The following LRRTM3 variants were observed in gnomAD, a reference collection of about 807,000 sequenced individuals.
The protein encoded by LRRTM3 is leucine rich repeat transmembrane neuronal 3.
A neutral mutation model predicts 44.7 loss-of-function variants in LRRTM3; 24 were observed. The observed-to-expected ratio is 0.54, with a 90% CI of 0.39 to 0.76. The LOEUF is 0.76. Ranked by LOEUF, LRRTM3 falls within the 30% of genes least tolerant of loss-of-function variation. LRRTM3 has a pLI of 0.00. For synonymous variants in LRRTM3, 277 were observed against 278.7 expected, an observed-to-expected ratio of 0.99 and a Z score of 0.06; for missense variants, 587 against 702.2, an observed-to-expected ratio of 0.84 and a Z score of 1.85.
At chr10:67,012,500 C>A (rs1057332090) in intron 2 of LRRTM3, 1 of 151,926 alleles carries the variant, frequency 6.6e-6, no homozygotes, top group Non-Finnish European at 1.5e-5. Flanking sequence ...TGATGAAAAC[C>A]TTTGTTATTC....
chr10:67,019,280 G>A (rs574171136), intron 2 of LRRTM3, among the ~76,000 whole-genome samples: 14 of 152,222 alleles, frequency 9.2e-5, no homozygotes, highest in African/African-American at 2.2e-4. Context: ...GTGTAATGGC[G>A]TTATCTTGGC....
chr10:67,069,586 A>G (rs1434605402), intron 2 of LRRTM3, among the ~76,000 whole-genome samples: 1 of 7,896 alleles, frequency 1.3e-4, no homozygotes, highest in Non-Finnish European at 2.9e-4. Context: ...CACCCCACCC[A>G]GTCCCTGCCC....
rs148255895 is a variant in LRRTM3, at chr10:66,944,799, T to C, written c.1536+16347T>C. 4.8e-4 allele frequency among the ~76,000 whole-genome samples: 73 copies of C among 152,318 alleles called. 1 individual carries two copies. The East Asian group carries it at 0.013, about 27-fold the overall frequency. On this transcript the variant is annotated intron_variant, in intron 2 of 2. Coordinates refer to ENST00000361320, the MANE Select transcript of LRRTM3 (RefSeq NM_178011.5). ...AGAATGGATGCTTTGTTAGCAGGCA[T>C]GAAAACAACATTAATCTCCATGTAT...
chr10:67,013,990 A>G (rs1852496755), intron 2 of LRRTM3, among the ~76,000 whole-genome samples: 1 of 152,104 alleles, frequency 6.6e-6, no homozygotes, highest in Non-Finnish European at 1.5e-5. Flanking sequence ...TTTTATAAAC[A>G]CTCCAGAGAA....
At chr10:66,926,698 A>T in intron 1 of LRRTM3, 111 bp downstream of exon 1, 1 of 1,281,798 alleles carries the variant, frequency 7.8e-7, no homozygotes, top group Non-Finnish European at 1.1e-6. Flanking sequence ...GCTCTGCTCT[A>T]AGACTATGAA....
At chr10:67,090,191 G>A (rs1011862845) in intron 2 of LRRTM3, among the ~76,000 whole-genome samples, 1 of 151,988 alleles carries the variant, frequency 6.6e-6, no homozygotes, top group African/African-American at 2.4e-5. Flanking sequence ...CATCTTGAGT[G>A]TTTTCGAGAT....
At chr10:67,003,580 T>A (rs1209334892) in intron 2 of LRRTM3, among the ~76,000 whole-genome samples, 1 of 152,234 alleles carries the variant, frequency 6.6e-6, no homozygotes, top group African/African-American at 2.4e-5. Flanking sequence ...AGAAATATTT[T>A]ATCTACATTT....
intron 2 of LRRTM3, among the ~76,000 whole-genome samples, chr10:67,052,101 G>A (rs1194240160): frequency 6.6e-6 from 1 of 152,110 alleles, no homozygotes; most frequent in African/African-American, 2.4e-5. Flanking sequence ...GGGTCGTTGA[G>A]AGTCTATTTT....
At chr10:67,023,470 T>C (rs1853159581) in intron 2 of LRRTM3, among the ~76,000 whole-genome samples, 1 of 152,088 alleles carries the variant, frequency 6.6e-6, no homozygotes, top group Non-Finnish European at 1.5e-5. Flanking sequence ...GAACGATGAC[T>C]AAAATCTACC....
intron 2 of LRRTM3, among the ~76,000 whole-genome samples, chr10:67,017,128 T>G (rs1852708230): frequency 6.6e-6 from 1 of 152,204 alleles, no homozygotes. Context: ...TAACAATAAC[T>G]GAGCAAACAA....
At chr10:67,064,538 A>G (rs753909232) in intron 2 of LRRTM3, among the ~76,000 whole-genome samples, 3 of 152,194 alleles carry the variant, frequency 2.0e-5, no homozygotes, top group East Asian at 1.9e-4. Context: ...AGCTTTCTCT[A>G]TAACATTTAT....
chr10:67,067,217 ATTT>A (rs1025258903), intron 2 of LRRTM3, among the ~76,000 whole-genome samples: 4 of 152,180 alleles, frequency 2.6e-5, no homozygotes, highest in African/African-American at 4.8e-5. Context: ...AAGTGAAACA[ATTT>A]TTAAGTATGT....
At position 67,101,162 on chromosome 10, in the gene LRRTM3, A is replaced by T. The variant is rs1858314259; in HGVS notation, c.*3366A>T. On this transcript the variant is annotated 3_prime_UTR_variant, in exon 3 of 3. Coordinates refer to ENST00000361320, the MANE Select transcript of LRRTM3 (RefSeq NM_178011.5). ...AATGTGCAGAACAGATGCTCCCAAG[A>T]TGTGGATGCATGTAGGCCCCGAGGT... is the stretch of plus-strand genomic sequence containing the variant. Among the ~76,000 whole-genome samples the T allele has an allele frequency of 6.6e-6, 1 of 151,694 alleles. No individual in the cohort carries two copies. The highest frequency in any genetic ancestry group is 2.1e-4 in the South Asian group (1 of 4,824).
intron 2 of LRRTM3, among the ~76,000 whole-genome samples, chr10:67,081,854 C>T (rs1003004322): frequency 6.6e-6 from 1 of 152,156 alleles, no homozygotes; most frequent in African/African-American, 2.4e-5. Flanking sequence ...ATCATGCCCT[C>T]CTCTGGAGCC....
intron 2 of LRRTM3, among the ~76,000 whole-genome samples, chr10:66,973,379 A>G (rs1452467891): frequency 6.6e-6 from 1 of 152,202 alleles, no homozygotes; most frequent in South Asian, 2.1e-4. Context: ...TGAATTCTCA[A>G]TAATTTGTAT....
At chr10:66,969,070 A>G (rs1849584469) in intron 2 of LRRTM3, among the ~76,000 whole-genome samples, 1 of 152,012 alleles carries the variant, frequency 6.6e-6, no homozygotes, top group Non-Finnish European at 1.5e-5. Context: ...TATTTACTTT[A>G]TGAGCTATTT....
At chr10:67,074,281 T>A (rs1856622524) in intron 2 of LRRTM3, among the ~76,000 whole-genome samples, 1 of 150,358 alleles carries the variant, frequency 6.7e-6, no homozygotes, top group African/African-American at 2.5e-5. Flanking sequence ...CTGCCCGCCT[T>A]GGCCCCCCAA....
intron 2 of LRRTM3, among the ~76,000 whole-genome samples, chr10:67,027,549 C>T (rs1829383441): frequency 6.6e-6 from 1 of 151,270 alleles, no homozygotes; most frequent in African/African-American, 2.4e-5. Flanking sequence ...ATTCTCCTGC[C>T]TCAGCCTTCC....
intron 2 of LRRTM3, among the ~76,000 whole-genome samples, chr10:67,024,121 C>G (rs1398495370): frequency 1.3e-5 from 2 of 152,170 alleles, no homozygotes; most frequent in Non-Finnish European, 2.9e-5. Flanking sequence ...TGTGTTCCCT[C>G]CAGAGGTCTA....
Sources: gnomAD v4.1 joint callset for allele counts (sites outside exome capture counted in the v4.1 genomes callset) on GRCh38, gnomAD v4.1.1 for gene constraint, MANE v1.5 for transcripts, NCBI Gene and HGNC (gene_info 2026-07-23, HGNC 2026-07-21) for gene names.